Variants in PDCL2 observed in about 807,000 individuals in gnomAD.
The protein encoded by PDCL2 is phosducin-like protein 2.
In PDCL2, 23 loss-of-function variants were observed where a neutral mutation model predicts 30.3. That is an observed-to-expected ratio of 0.76 (90% CI 0.55 to 1.08). PDCL2 has a LOEUF of 1.08. Among genes scored for constraint, PDCL2 ranks in the 50% least tolerant of loss-of-function variants. PDCL2 has a pLI of 0.00. For synonymous variants in PDCL2, 68 were observed against 86.2 expected, an observed-to-expected ratio of 0.79 and a Z score of 1.17; for missense variants, 243 against 282.3, an observed-to-expected ratio of 0.86 and a Z score of 1.00.
intron 3 of PDCL2, among the ~76,000 whole-genome samples, chr4:55,574,353 C>A (rs1732506848): frequency 6.6e-6 from 1 of 152,152 alleles, no homozygotes; most frequent in Non-Finnish European, 1.5e-5. Flanking sequence ...GCTTGCCCTG[C>A]AGTTGGATTA....
chr4:55,561,930 C>T (rs567663208), intron 5 of PDCL2, among the ~76,000 whole-genome samples: 7 of 152,140 alleles, frequency 4.6e-5, no homozygotes, highest in South Asian at 4.2e-4. Context: ...AAAAAGATTA[C>T]GAATTGGTCC....
intron 1 of PDCL2, among the ~76,000 whole-genome samples, chr4:55,585,246 G>A (rs1732829903): frequency 6.6e-6 from 1 of 152,114 alleles, no homozygotes; most frequent in African/African-American, 2.4e-5. Context: ...AAAGATTTAG[G>A]GCTGGGTGCA....
chr4:55,563,302 G>A (rs1420280363), intron 4 of PDCL2, among the ~76,000 whole-genome samples: 2 of 152,052 alleles, frequency 1.3e-5, no homozygotes, highest in East Asian at 3.8e-4. Context: ...CCTCCCTTGG[G>A]ATCTTTGTTG....
intron 4 of PDCL2, among the ~76,000 whole-genome samples, chr4:55,569,352 T>C (rs140062596): frequency 2.1e-4 from 32 of 152,308 alleles, no homozygotes; most frequent in Non-Finnish European, 4.0e-4. Context: ...GAAACAGTTA[T>C]ATAAATATGG....
At chr4:55,582,602 T>G (rs1186816248) in intron 1 of PDCL2, among the ~76,000 whole-genome samples, 1 of 152,156 alleles carries the variant, frequency 6.6e-6, no homozygotes, top group Non-Finnish European at 1.5e-5. Flanking sequence ...CAGATGAACT[T>G]CCTTTTTTCT....
intron 3 of PDCL2, among the ~76,000 whole-genome samples, chr4:55,580,050 T>G (rs1383684560): frequency 2.6e-5 from 4 of 151,760 alleles, no homozygotes; most frequent in African/African-American, 9.7e-5. Flanking sequence ...TTTCTGCATG[T>G]TGGTCAGGCT....
At chr4:55,566,146 A>C (rs937303106) in intron 4 of PDCL2, among the ~76,000 whole-genome samples, 1 of 151,470 alleles carries the variant, frequency 6.6e-6, no homozygotes, top group African/African-American at 2.4e-5. Flanking sequence ...TGCCCGGCTA[A>C]TTTTTTTGTA....
At chr4:55,573,863 A>C (rs1457169227) in intron 3 of PDCL2, among the ~76,000 whole-genome samples, 1 of 151,394 alleles carries the variant, frequency 6.6e-6, no homozygotes, top group African/African-American at 2.4e-5. Flanking sequence ...AAGTTCCATT[A>C]CTTTAGCTTA....
At chr4:55,565,656 C>G (rs1665666245) in intron 4 of PDCL2, among the ~76,000 whole-genome samples, 1 of 152,092 alleles carries the variant, frequency 6.6e-6, no homozygotes. Flanking sequence ...AGGACACAGC[C>G]AAACCATATC....
chr4:55,590,039 A>T (rs1478698685), intron 1 of PDCL2, among the ~76,000 whole-genome samples: 1 of 151,542 alleles, frequency 6.6e-6, no homozygotes, highest in Non-Finnish European at 1.5e-5. Context: ...TCTACTAAAA[A>T]TACAAAAATT....
intron 1 of PDCL2, among the ~76,000 whole-genome samples, chr4:55,589,407 T>C (rs902154136): frequency 1.2e-4 from 19 of 152,218 alleles, no homozygotes; most frequent in Admixed American, 6.5e-5. Flanking sequence ...CTACAATATA[T>C]AACGAATTCA....
At chr4:55,581,864 T>C (rs1732721591) in intron 2 of PDCL2, among the ~76,000 whole-genome samples, 1 of 151,980 alleles carries the variant, frequency 6.6e-6, no homozygotes, top group African/African-American at 2.4e-5. Flanking sequence ...CCACCACACC[T>C]GGCTAATTTT....
At chr4:55,560,435 C>T (rs913725097) in intron 5 of PDCL2, among the ~76,000 whole-genome samples, 23 of 151,840 alleles carry the variant, frequency 1.5e-4, no homozygotes, top group African/African-American at 5.3e-4. Context: ...AAAGTGAGAC[C>T]CCATCTCTAC....
At chr4:55,574,436 A>T (rs983748591) in intron 3 of PDCL2, among the ~76,000 whole-genome samples, 1 of 152,176 alleles carries the variant, frequency 6.6e-6, no homozygotes, top group Non-Finnish European at 1.5e-5. Context: ...ACTCACCCCT[A>T]AAATGTCCCA....
At chr4:55,587,910 T>C (rs1371282865) in intron 1 of PDCL2, among the ~76,000 whole-genome samples, 1 of 145,582 alleles carries the variant, frequency 6.9e-6, no homozygotes, top group Non-Finnish European at 1.5e-5. Context: ...ATGTTTTAAA[T>C]TTGGTAAAGT....
intron 5 of PDCL2, among the ~76,000 whole-genome samples, chr4:55,560,479 A>T (rs1348496620): frequency 6.6e-6 from 1 of 152,032 alleles, no homozygotes; most frequent in Non-Finnish European, 1.5e-5. Context: ...GTTAGGTGTG[A>T]TGGCAGGCAC....
In PDCL2 at chr4:55,562,447, G is replaced by A; in HGVS notation, c.528C>T (p.Phe176=). The A allele has an allele frequency of 1.3e-6, 2 of 1,504,390 alleles. No individual in the cohort carries two copies. Among genetic ancestry groups the A allele is most frequent in the Non-Finnish European group, 1.8e-6 (2 of 1,126,372 alleles). The allele number at this position is 1,504,390 out of a possible 1,614,324, so 93.2% of individuals were successfully genotyped here. The change falls in exon 5 of 6, where the codon TTC becomes TTT. Residue 176 remains phenylalanine (F), a synonymous_variant. Transcript: ENST00000295645. ...VYKNGQIEAK[F]IGIIECGGIN... is the part of the protein sequence containing the mutation. The stretch of plus-strand genomic sequence containing the variant: ...TCCCTCCACATTCTATAATTCCAAT[G>A]AATTTGGCTTCTATCTGACCATTTT...
intron 3 of PDCL2, among the ~76,000 whole-genome samples, chr4:55,571,488 C>T (rs978417149): frequency 6.7e-6 from 1 of 149,316 alleles, no homozygotes; most frequent in Non-Finnish European, 1.5e-5. Flanking sequence ...GAGATCGAGA[C>T]CATCCTGGCT....
Position 55,569,597 on chromosome 4 carries a change from T to C in PDCL2, c.362+121A>G, listed in dbSNP as rs538958238. On this transcript the variant is annotated intron_variant, in intron 4 of 5. Coordinates refer to ENST00000295645, the MANE Select transcript of PDCL2 (RefSeq NM_152401.3). ...CTATCAAAACCTCTATGGATGTATATGTGTGCAATATATAGTTGCTTTTTC... is the reference window on the plus strand; with the variant it reads ...CTATCAAAACCTCTATGGATGTATACGTGTGCAATATATAGTTGCTTTTTC... 7 of 509,114 alleles carry C rather than the reference T, an allele frequency of 1.4e-5. No individual in the cohort carries two copies. The South Asian group carries it at 2.2e-4, about 16-fold the overall frequency. The allele number at this position is 509,114 out of a possible 1,614,324, so 31.5% of individuals were successfully genotyped here.
Sources: allele counts gnomAD v4.1 joint callset (sites outside exome capture counted in the v4.1 genomes callset), GRCh38; gene constraint gnomAD v4.1.1; transcripts MANE v1.5; gene names NCBI Gene and HGNC (gene_info 2026-07-23, HGNC 2026-07-21).